Variants in OXSR1 observed in about 807,000 individuals in gnomAD.
The protein encoded by OXSR1 is serine/threonine-protein kinase OSR1.
OXSR1 carries 24 observed loss-of-function variants against 79.8 expected under a neutral mutation model. The ratio of observed to expected loss-of-function variants is 0.30; its 90% CI spans 0.22 to 0.42. The LOEUF (loss-of-function observed/expected upper bound fraction) is 0.42. Ranked by LOEUF, OXSR1 falls within the 10% of genes least tolerant of loss-of-function variation. The pLI, the probability that OXSR1 is intolerant of heterozygous loss-of-function variation, is 1.00. For synonymous variants in OXSR1, 226 were observed against 209.2 expected, an observed-to-expected ratio of 1.08 and a Z score of -0.69; for missense variants, 430 against 618.4, an observed-to-expected ratio of 0.70 and a Z score of 3.23.
intron 3 of OXSR1, among the ~76,000 whole-genome samples, chr3:38,194,717 A>G (rs750250421): frequency 6.6e-6 from 1 of 152,184 alleles, no homozygotes; most frequent in Non-Finnish European, 1.5e-5. Flanking sequence ...TGGAGCAGAG[A>G]GAATGAGAGA....
intron 1 of OXSR1, among the ~76,000 whole-genome samples, chr3:38,180,300 G>C (rs1013566775): frequency 2.0e-5 from 3 of 152,086 alleles, no homozygotes; most frequent in Non-Finnish European, 4.4e-5. Flanking sequence ...TGGGTCAACT[G>C]TACTCATTAG....
chr3:38,240,714 A>AG lies in OXSR1; in HGVS notation c.1075-2029_1075-2028insG, dbSNP rs61548695. Among the ~76,000 whole-genome samples the AG allele has an allele frequency of 2.0e-5, 3 of 151,976 alleles. No homozygotes were observed. The East Asian group carries it at 5.8e-4, about 29-fold the overall frequency. ...GAAAAGATACTTAAAAAAAAAAAAA[A>AG]CAACTCATAAGGACACAAGCGCCAG... On this transcript the variant is annotated intron_variant, in intron 11 of 17. Transcript: ENST00000311806.
chr3:38,250,150 A>G (rs777715623), intron 15 of OXSR1, 132 bp downstream of exon 15: 1 of 642,642 alleles, frequency 1.6e-6, no homozygotes, highest in Non-Finnish European at 2.8e-6. Context: ...TTTGGCGAGT[A>G]TATGAGTGAG....
At chr3:38,208,985 T>TGTGTGTGTGTGC (rs1019752484) in intron 4 of OXSR1, among the ~76,000 whole-genome samples, 23 of 128,132 alleles carry the variant, frequency 1.8e-4, no homozygotes, top group Non-Finnish European at 3.1e-4. Flanking sequence ...TGTGTGTGTG[T>TGTGTGTGTGTGC]GCGCGCGCGC....
chr3:38,204,105 C>T (rs1194016848), intron 4 of OXSR1, among the ~76,000 whole-genome samples: 5 of 152,274 alleles, frequency 3.3e-5, no homozygotes, highest in East Asian at 1.9e-4. Context: ...AGTCTCTCCC[C>T]GTGGCCACCA....
intron 10 of OXSR1, among the ~76,000 whole-genome samples, chr3:38,234,094 T>A (rs1266590963): frequency 6.6e-6 from 1 of 152,132 alleles, no homozygotes; most frequent in Non-Finnish European, 1.5e-5. Context: ...CTACAAAAAA[T>A]TAACTCAAAA....
At chr3:38,224,003 G>T in intron 7 of OXSR1, 90 bp downstream of exon 7, 3 of 697,524 alleles carry the variant, frequency 4.3e-6, no homozygotes, top group Non-Finnish European at 7.2e-6. Flanking sequence ...TTTTTATTGT[G>T]GTAAAATACA....
At position 38,247,648 on chromosome 3, in the gene OXSR1, T is replaced by A; in HGVS notation, c.1258-20T>A. ...CTTAATGTTTCAGGCAATGACTGTA[T>A]ACCTTTCAATGCTTTTTAGGCTTTG... is the stretch of plus-strand genomic sequence containing the variant. On this transcript the variant is annotated intron_variant, in intron 13 of 17. Coordinates refer to ENST00000311806, the MANE Select transcript of OXSR1 (RefSeq NM_005109.3). 1 of 1,590,668 alleles carries A rather than the reference T, an allele frequency of 6.3e-7. No individual in the cohort carries two copies. The highest frequency in any genetic ancestry group is 8.6e-7 in the Non-Finnish European group (1 of 1,158,906).
In OXSR1 at chr3:38,190,715, TTTCTC is replaced by T. The variant is rs765654159; in HGVS notation, c.184-11_184-7del. 3 of 1,365,094 alleles carry T rather than the reference TTTCTC, an allele frequency of 2.2e-6. No individual in the cohort carries two copies. The highest frequency in any genetic ancestry group is 3.1e-6 in the Non-Finnish European group (3 of 955,262). 84.6% of individuals were successfully genotyped at this position (1,365,094 alleles called of 1,614,324 possible). ...GCTTGCATATAATGAATTATTATGT[TTTCTC>T]TTCTTTGTAGAAAGAAATTCAAGCC... On this transcript the variant is annotated splice_polypyrimidine_tract_variant and intron_variant, in intron 2 of 17. Coordinates refer to ENST00000311806, the MANE Select transcript of OXSR1 (RefSeq NM_005109.3).
At chr3:38,215,995 A>G (rs1575345145) in intron 4 of OXSR1, 101 bp from the exon 5 acceptor site, 1 of 716,638 alleles carries the variant, frequency 1.4e-6, no homozygotes, top group Middle Eastern at 3.9e-4. Flanking sequence ...GGACATTTAA[A>G]TATTGCTAGT....
intron 11 of OXSR1, among the ~76,000 whole-genome samples, chr3:38,237,257 A>C (rs1220544908): frequency 1.3e-5 from 2 of 152,214 alleles, no homozygotes; most frequent in South Asian, 4.1e-4. Context: ...TTGCAGAAGA[A>C]AAGTTAGTGA....
In OXSR1 at chr3:38,255,078, A is replaced by G. The variant is rs1356532241; in HGVS notation, c.*2187A>G. 1 of 152,688 alleles carries G rather than the reference A, an allele frequency of 6.5e-6. No homozygotes were observed. Among genetic ancestry groups the G allele is most frequent in the Non-Finnish European group, 1.5e-5 (1 of 68,054 alleles). 9.5% of individuals were successfully genotyped at this position (152,688 alleles called of 1,614,324 possible). A position where few individuals can be genotyped will look rare whatever the true frequency, so the allele number is the denominator to read the frequency against. On this transcript the variant is annotated 3_prime_UTR_variant, in exon 18 of 18. Coordinates refer to ENST00000311806, the MANE Select transcript of OXSR1 (RefSeq NM_005109.3). Reference sequence around the variant, plus strand: ...GAAAATACATGAACAGAAACTGCCCAGGTGGAACAGCACGTAACCTAGTGA... The same window carrying G: ...GAAAATACATGAACAGAAACTGCCCGGGTGGAACAGCACGTAACCTAGTGA...
intron 8 of OXSR1, among the ~76,000 whole-genome samples, chr3:38,225,295 A>G (rs189701457): frequency 6.6e-6 from 1 of 152,150 alleles, no homozygotes; most frequent in South Asian, 2.1e-4. Flanking sequence ...ATACTTAGTC[A>G]TAGGAGTAGG....
chr3:38,180,687 C>T lies in OXSR1; in HGVS notation c.71-2316C>T, dbSNP rs559223262. ...CTAGGACTATAAGTGCACACCACCACGCCCAGCTAATTATTTTTGTATTTT... is the reference window on the plus strand; with the variant it reads ...CTAGGACTATAAGTGCACACCACCATGCCCAGCTAATTATTTTTGTATTTT... On this transcript the variant is annotated intron_variant, in intron 1 of 17. Transcript: ENST00000311806. Among the ~76,000 whole-genome samples the T allele has an allele frequency of 2.6e-5, 4 of 151,880 alleles. No homozygotes were observed. In the East Asian group the frequency reaches 7.7e-4, roughly 29 times the overall value.
At chr3:38,224,440 CA>C (rs1702648549) in intron 7 of OXSR1, 130 bp from the exon 8 acceptor site, 1 of 653,822 alleles carries the variant, frequency 1.5e-6, no homozygotes, top group Non-Finnish European at 2.6e-6. Flanking sequence ...ACAACTGATT[CA>C]GATATGAACT....
intron 4 of OXSR1, among the ~76,000 whole-genome samples, chr3:38,209,781 G>A (rs1171315392): frequency 2.0e-5 from 3 of 151,962 alleles, no homozygotes; most frequent in Admixed American, 2.0e-4. Context: ...CTGCCACTAC[G>A]CCTGGCTAAT....
intron 1 of OXSR1, among the ~76,000 whole-genome samples, chr3:38,168,753 A>G (rs1177884098): frequency 2.0e-5 from 3 of 152,220 alleles, no homozygotes; most frequent in Non-Finnish European, 2.9e-5. Flanking sequence ...CATTTTATGT[A>G]AATGTAATCA....
intron 2 of OXSR1, among the ~76,000 whole-genome samples, chr3:38,184,954 G>GTTTTTTTTTTTTTTT (rs1559503629): frequency 2.1e-5 from 2 of 96,226 alleles, no homozygotes; most frequent in Non-Finnish European, 4.0e-5. Context: ...TTTTTTTTGG[G>GTTTTTTTTTTTTTTT]TTTCTTTGAG....
rs1012588674 is a variant in OXSR1 at position 38,247,659 on chromosome 3, G to A, written c.1258-9G>A. The stretch of plus-strand genomic sequence containing the variant: ...AGGCAATGACTGTATACCTTTCAAT[G>A]CTTTTTAGGCTTTGTCTTCAGGATC... On this transcript the variant is annotated splice_polypyrimidine_tract_variant and intron_variant, in intron 13 of 17. Transcript: ENST00000311806. 1 of 1,606,736 alleles carries A rather than the reference G, an allele frequency of 6.2e-7. No individual in the cohort carries two copies.
Sources: gnomAD v4.1 joint callset for allele counts (sites outside exome capture counted in the v4.1 genomes callset) on GRCh38, gnomAD v4.1.1 for gene constraint, MANE v1.5 for transcripts, NCBI Gene and HGNC (gene_info 2026-07-23, HGNC 2026-07-21) for gene names.